The following ARID1B variants were observed in gnomAD, a reference collection of about 807,000 sequenced individuals.
The protein encoded by ARID1B is AT-rich interactive domain-containing protein 1B.
ARID1B carries 30 observed loss-of-function variants against 212.3 expected under a neutral mutation model. That is an observed-to-expected ratio of 0.14 (90% CI 0.11 to 0.19). The LOEUF is 0.19. Among genes scored for constraint, ARID1B ranks in the 10% least tolerant of loss-of-function variants. The probability of loss-of-function intolerance (pLI) is 1.00; values close to 1 mark genes in which losing one functional copy is unlikely to be tolerated. For synonymous variants in ARID1B, 1,402 were observed against 1,301.7 expected (o/e 1.08, Z -1.66); for missense variants, 2,891 against 3,204.0 (o/e 0.90, Z 2.36).
chr6:156,929,032 C>G (rs913202937), intron 3 of ARID1B, among the ~76,000 whole-genome samples: 1 of 152,150 alleles, frequency 6.6e-6, no homozygotes, highest in Non-Finnish European at 1.5e-5. Context: ...GAAGAGATAT[C>G]CATCACTTTC....
intron 15 of ARID1B, chr6:157,195,349 T>G (rs1426067675): frequency 1.3e-5 from 2 of 152,268 alleles, no homozygotes; most frequent in Non-Finnish European, 2.9e-5. Flanking sequence ...TCCCGTTTTC[T>G]TGTTGACTAT....
chr6:157,202,434 G>C (rs1794171049), intron 18 of ARID1B, among the ~76,000 whole-genome samples: 1 of 152,106 alleles, frequency 6.6e-6, no homozygotes, highest in Non-Finnish European at 1.5e-5. Flanking sequence ...ACATTAAGGA[G>C]ATGTAGATTG....
intron 1 of ARID1B, among the ~76,000 whole-genome samples, chr6:156,821,385 A>G (rs1213426182): frequency 6.6e-6 from 1 of 152,212 alleles, no homozygotes; most frequent in African/African-American, 2.4e-5. Context: ...GGGGCTGAGA[A>G]TGGGTATATG....
At chr6:157,103,892 G>A (rs1314523412) in intron 5 of ARID1B, among the ~76,000 whole-genome samples, 1 of 146,696 alleles carries the variant, frequency 6.8e-6, no homozygotes, top group African/African-American at 2.5e-5. Context: ...CTGGAGGGCA[G>A]TAATGTGATC....
At chr6:156,952,913 T>A (rs1219350208) in intron 4 of ARID1B, among the ~76,000 whole-genome samples, 1 of 152,236 alleles carries the variant, frequency 6.6e-6, no homozygotes, top group Non-Finnish European at 1.5e-5. Context: ...CAATTCTTCC[T>A]TGTAGGGAAT....
At chr6:156,967,224 G>C (rs1486148805) in intron 4 of ARID1B, among the ~76,000 whole-genome samples, 1 of 152,100 alleles carries the variant, frequency 6.6e-6, no homozygotes, top group Admixed American at 6.5e-5. Flanking sequence ...TTGAACATTG[G>C]AAGATACGTG....
At chr6:157,085,661 GGCGTT>G (rs1784918480) in intron 5 of ARID1B, among the ~76,000 whole-genome samples, 7 of 151,538 alleles carry the variant, frequency 4.6e-5, no homozygotes, top group African/African-American at 1.7e-4. Context: ...CAAAATCATG[GGCGTT>G]AGTTTTGGTG....
chr6:156,946,670 T>C lies in ARID1B; in HGVS notation c.2247+11094T>C, dbSNP rs539574018. On this transcript the variant is annotated intron_variant, in intron 4 of 19. Transcript: ENST00000636930. The stretch of plus-strand genomic sequence containing the variant: ...TGTGAAATTGTGGTGGCAGTGGGAG[T>C]GCAGAGGAAGAAAATTGTTGGAATA... Among the ~76,000 whole-genome samples the C allele has an allele frequency of 7.5e-5, 11 of 147,352 alleles. No homozygotes were observed. The South Asian group carries it at 2.4e-3, about 33-fold the overall frequency.
intron 2 of ARID1B, among the ~76,000 whole-genome samples, chr6:156,848,710 C>T (rs1210551884): frequency 6.6e-6 from 1 of 152,190 alleles, no homozygotes; most frequent in Non-Finnish European, 1.5e-5. Context: ...CCAGCTGGCC[C>T]AAGGCCAGGC....
intron 7 of ARID1B, chr6:157,140,474 AAAAT>A: frequency 2.6e-6 from 1 of 390,798 alleles, no homozygotes; most frequent in Non-Finnish European, 4.5e-6. Context: ...TGTCTCGATA[AAAAT>A]AAAAAGAACA....
intron 4 of ARID1B, chr6:157,023,558 A>G (rs573928788): frequency 1.3e-5 from 2 of 152,292 alleles, no homozygotes; most frequent in South Asian, 2.1e-4. Flanking sequence ...GGCATATTCT[A>G]CTGTTACACT....
chr6:156,885,130 G>A (rs911210399), intron 2 of ARID1B, among the ~76,000 whole-genome samples: 2 of 152,090 alleles, frequency 1.3e-5, no homozygotes, highest in African/African-American at 4.8e-5. Flanking sequence ...AGTAAAATTG[G>A]AATATGATCT....
At chr6:157,178,388 G>A (rs1792260389) in intron 11 of ARID1B, among the ~76,000 whole-genome samples, 1 of 152,162 alleles carries the variant, frequency 6.6e-6, no homozygotes, top group Non-Finnish European at 1.5e-5. Flanking sequence ...GGAAAAGTGG[G>A]TGTCAGACAA....
intron 4 of ARID1B, among the ~76,000 whole-genome samples, chr6:157,060,177 C>G (rs2128402784): frequency 6.6e-6 from 1 of 152,308 alleles, no homozygotes; most frequent in East Asian, 1.9e-4. Flanking sequence ...AAGTCCACAT[C>G]TGGGAAAACA....
At chr6:156,960,199 G>A (rs1794275184) in intron 4 of ARID1B, among the ~76,000 whole-genome samples, 1 of 152,052 alleles carries the variant, frequency 6.6e-6, no homozygotes. Flanking sequence ...ACAGTGCTGG[G>A]ATTACAGGCA....
At chr6:156,986,729 A>G (rs1777941943) in intron 4 of ARID1B, among the ~76,000 whole-genome samples, 1 of 152,210 alleles carries the variant, frequency 6.6e-6, no homozygotes, top group African/African-American at 2.4e-5. Flanking sequence ...CAGTATAGTT[A>G]TCTGGACCTA....
intron 4 of ARID1B, chr6:156,976,772 G>C (rs1777277521): frequency 7.4e-6 from 4 of 537,930 alleles, no homozygotes; most frequent in Admixed American, 5.8e-5. Flanking sequence ...ATCAAAGTTA[G>C]CGAGACCACA....
chr6:156,989,737 T>G (rs1233007471), intron 4 of ARID1B, among the ~76,000 whole-genome samples: 1 of 152,230 alleles, frequency 6.6e-6, no homozygotes, highest in Non-Finnish European at 1.5e-5. Context: ...TTTGCTGATT[T>G]ATTAAGTGTA....
chr6:156,855,844 C>CTCTTAGAGGA (rs1784887742), intron 2 of ARID1B, among the ~76,000 whole-genome samples: 1 of 152,234 alleles, frequency 6.6e-6, no homozygotes, highest in Admixed American at 6.5e-5. Flanking sequence ...CAGATGGCTA[C>CTCTTAGAGGA]TCTTAGAGGA....
Sources: allele counts gnomAD v4.1 joint callset (sites outside exome capture counted in the v4.1 genomes callset), GRCh38; gene constraint gnomAD v4.1.1; transcripts MANE v1.5; gene names NCBI Gene and HGNC (gene_info 2026-07-23, HGNC 2026-07-21).